Variants in TSHZ3 observed in about 807,000 individuals in gnomAD.
TSHZ3 encodes teashirt zinc finger homeobox 3, also known as teashirt homolog 3.
In TSHZ3, 10 loss-of-function variants were observed where a neutral mutation model predicts 64.5. That is an observed-to-expected ratio of 0.16 (90% CI 0.10 to 0.26). The LOEUF (loss-of-function observed/expected upper bound fraction) is 0.26, where lower values mean the gene tolerates loss of function less well. Among genes scored for constraint, TSHZ3 ranks in the 10% least tolerant of loss-of-function variants. The probability of loss-of-function intolerance (pLI) is 1.00; values close to 1 mark genes in which losing one functional copy is unlikely to be tolerated. For synonymous variants in TSHZ3, 608 were observed against 593.1 expected (o/e 1.03, Z -0.36); for missense variants, 1,242 against 1,421.7 (o/e 0.87, Z 2.03).
chr19:31,297,798 C>G (rs1297262417), intron 1 of TSHZ3, among the ~76,000 whole-genome samples: 1 of 152,158 alleles, frequency 6.6e-6, no homozygotes, highest in Admixed American at 6.5e-5. Context: ...TAGAAACACA[C>G]AGGCTTGGAG....
chr19:31,256,841 G>A (rs568708496), intron 1 of TSHZ3, among the ~76,000 whole-genome samples: 1 of 152,274 alleles, frequency 6.6e-6, no homozygotes, highest in South Asian at 2.1e-4. Flanking sequence ...TGATTCCTCT[G>A]TGTTCCCTGT....
At chr19:31,268,527 G>A (rs531734087) in intron 1 of TSHZ3, among the ~76,000 whole-genome samples, 1 of 152,342 alleles carries the variant, frequency 6.6e-6, no homozygotes, top group Non-Finnish European at 1.5e-5. Context: ...AAGCCTGGCT[G>A]ATCTTCCTGA....
Position 31,198,078 on chromosome 19 carries a change from T to C in TSHZ3, n.809+6878A>G, listed in dbSNP as rs964816670. 2.0e-5 allele frequency among the ~76,000 whole-genome samples: 3 copies of C among 152,198 alleles called. No homozygotes were observed. The South Asian group carries it at 6.2e-4, about 32-fold the overall frequency. On this transcript the variant is annotated intron_variant and non_coding_transcript_variant, in intron 5 of 6. Coordinates refer to the TSHZ3 transcript ENST00000651361. ...ATTATTAAAAAATTGAATCCAATAA[T>C]GTGTGAAAATAAGTATGGACCACAG...
chr19:31,183,535 T>C (rs1599566892), intron 5 of TSHZ3, among the ~76,000 whole-genome samples: 1 of 152,130 alleles, frequency 6.6e-6, no homozygotes, highest in Non-Finnish European at 1.5e-5. Flanking sequence ...GAAACCAACC[T>C]TCCAGAGAAT....
intron 4 of TSHZ3, among the ~76,000 whole-genome samples, chr19:31,208,810 G>A (rs920770763): frequency 1.3e-5 from 2 of 152,176 alleles, no homozygotes; most frequent in African/African-American, 4.8e-5. Flanking sequence ...TCCATGTGCA[G>A]ATCTTACTTA....
chr19:31,254,597 C>T (rs1426533341), intron 1 of TSHZ3, among the ~76,000 whole-genome samples: 1 of 152,156 alleles, frequency 6.6e-6, no homozygotes, highest in Non-Finnish European at 1.5e-5. Flanking sequence ...TAAACAGATA[C>T]CGTTCAATGC....
chr19:31,306,058 G>C (rs923200118), intron 1 of TSHZ3, among the ~76,000 whole-genome samples: 1 of 152,174 alleles, frequency 6.6e-6, no homozygotes, highest in Non-Finnish European at 1.5e-5. Flanking sequence ...AAGGGGGTAG[G>C]CGCTTTTTTG....
intron 1 of TSHZ3, among the ~76,000 whole-genome samples, chr19:31,320,434 G>A (rs536251835): frequency 6.6e-6 from 1 of 152,302 alleles, no homozygotes; most frequent in Admixed American, 6.5e-5. Flanking sequence ...TTGTGTGAAT[G>A]TTATTTATTT....
intron 5 of TSHZ3, among the ~76,000 whole-genome samples, chr19:31,187,828 A>T (rs1222779538): frequency 6.6e-6 from 1 of 152,108 alleles, no homozygotes; most frequent in Non-Finnish European, 1.5e-5. Context: ...TGATAACTTT[A>T]GTTTCACAGG....
intron 5 of TSHZ3, among the ~76,000 whole-genome samples, chr19:31,176,296 T>A (rs1166412939): frequency 6.6e-6 from 1 of 152,086 alleles, no homozygotes; most frequent in Non-Finnish European, 1.5e-5. Context: ...GGCACATGTT[T>A]CAGAGTTGAC....
intron 4 of TSHZ3, among the ~76,000 whole-genome samples, chr19:31,211,518 GC>G (rs1975258667): frequency 6.6e-6 from 1 of 152,224 alleles, no homozygotes; most frequent in African/African-American, 2.4e-5. Flanking sequence ...GACTGGGCTA[GC>G]CTGGGCTGGG....
intron 1 of TSHZ3, among the ~76,000 whole-genome samples, chr19:31,269,569 T>C (rs552236399): frequency 7.2e-5 from 11 of 152,242 alleles, no homozygotes; most frequent in African/African-American, 2.6e-4. Context: ...ACTGACTTCT[T>C]TTTTCCATAA....
chr19:31,257,685 C>T (rs1975930216), intron 1 of TSHZ3, among the ~76,000 whole-genome samples: 1 of 152,200 alleles, frequency 6.6e-6, no homozygotes, highest in Admixed American at 6.5e-5. Context: ...CGGGACTATG[C>T]TGCAGTCTCA....
At chr19:31,313,693 T>C (rs1269077656) in intron 1 of TSHZ3, among the ~76,000 whole-genome samples, 1 of 152,206 alleles carries the variant, frequency 6.6e-6, no homozygotes, top group Non-Finnish European at 1.5e-5. Flanking sequence ...GAGAGTCCCC[T>C]GAACAACGAA....
chr19:31,331,626 G>A (rs1158025961), intron 1 of TSHZ3, among the ~76,000 whole-genome samples: 1 of 152,166 alleles, frequency 6.6e-6, no homozygotes, highest in East Asian at 1.9e-4. Flanking sequence ...ACAGAGAGAA[G>A]AAACTACAAA....
chr19:31,348,991 C>A, intron 1 of TSHZ3, 189 bp downstream of exon 1: 1 of 670,246 alleles, frequency 1.5e-6, no homozygotes, highest in Non-Finnish European at 2.4e-6. Flanking sequence ...GAGGGCAGAG[C>A]GCGGCGGGGC....
At chr19:31,330,530 C>A (rs903427390) in intron 1 of TSHZ3, among the ~76,000 whole-genome samples, 4 of 152,292 alleles carry the variant, frequency 2.6e-5, no homozygotes, top group African/African-American at 9.6e-5. Context: ...TCAGCATCGC[C>A]CCAATGTCAC....
intron 1 of TSHZ3, among the ~76,000 whole-genome samples, chr19:31,337,392 A>C (rs1350734058): frequency 3.3e-5 from 5 of 152,168 alleles, no homozygotes; most frequent in African/African-American, 1.2e-4. Flanking sequence ...ATTAATAGCA[A>C]AGTTTTTCTA....
At chr19:31,177,963 T>G (rs1402754359) in intron 5 of TSHZ3, among the ~76,000 whole-genome samples, 1 of 152,160 alleles carries the variant, frequency 6.6e-6, no homozygotes, top group Non-Finnish European at 1.5e-5. Flanking sequence ...CATCTACTTT[T>G]GTAATCAAAC....
Sources: gnomAD v4.1 joint callset for allele counts (sites outside exome capture counted in the v4.1 genomes callset) on GRCh38, gnomAD v4.1.1 for gene constraint, MANE v1.5 for transcripts, NCBI Gene and HGNC (gene_info 2026-07-23, HGNC 2026-07-21) for gene names.